Variants in UMAD1 observed in about 807,000 individuals in gnomAD.
UMAD1 encodes UBAP1-MVB12-associated (UMA)-domain containing protein 1.
A neutral mutation model predicts 6.1 loss-of-function variants in UMAD1; 8 were observed. The ratio of observed to expected loss-of-function variants is 1.30; its 90% CI spans 0.76 to 2.35. The LOEUF (loss-of-function observed/expected upper bound fraction) is 2.35. Ranked by LOEUF, UMAD1 falls within the 30% of genes most tolerant of loss-of-function variation. The pLI, the probability that UMAD1 is intolerant of heterozygous loss-of-function variation, is 0.00. For missense variants in UMAD1, 130 were observed against 78.4 expected, an observed-to-expected ratio of 1.66 and a Z score of -2.49; for synonymous variants, 56 against 31.4, an observed-to-expected ratio of 1.78 and a Z score of -2.61.
intron 3 of UMAD1, among the ~76,000 whole-genome samples, chr7:7,862,849 T>A (rs544172255): frequency 3.3e-5 from 5 of 152,178 alleles, no homozygotes; most frequent in Admixed American, 1.3e-4. Flanking sequence ...TACAGACAAG[T>A]AACCTTTAAA....
chr7:7,652,153 G>A (rs1322056922), intron 1 of UMAD1, among the ~76,000 whole-genome samples: 1 of 152,172 alleles, frequency 6.6e-6, no homozygotes, highest in Non-Finnish European at 1.5e-5. Context: ...CAGTGGGGAT[G>A]GACAAAGTAT....
chr7:7,664,137 G>C (rs1042145002), intron 1 of UMAD1, among the ~76,000 whole-genome samples: 7 of 152,146 alleles, frequency 4.6e-5, no homozygotes, highest in Non-Finnish European at 7.4e-5. Context: ...TGGATTTCCA[G>C]TTTGTCTTGG....
At chr7:7,848,440 G>A (rs1563257132) in intron 3 of UMAD1, among the ~76,000 whole-genome samples, 1 of 152,050 alleles carries the variant, frequency 6.6e-6, no homozygotes, top group Non-Finnish European at 1.5e-5. Flanking sequence ...CAGTTGATCT[G>A]GTGTCTAAAG....
chr7:7,817,984 T>C (rs1783165263), intron 3 of UMAD1, among the ~76,000 whole-genome samples: 1 of 151,952 alleles, frequency 6.6e-6, no homozygotes, highest in Admixed American at 6.6e-5. Flanking sequence ...CAGCTAATTT[T>C]CTTTTTAAAC....
At chr7:7,678,538 T>C (rs1421227372) in intron 2 of UMAD1, among the ~76,000 whole-genome samples, 1 of 139,808 alleles carries the variant, frequency 7.2e-6, no homozygotes, top group African/African-American at 2.6e-5. Flanking sequence ...ATATACTTAA[T>C]TTATAGATAA....
chr7:7,792,024 T>C (rs1315109843), intron 2 of UMAD1, among the ~76,000 whole-genome samples: 2 of 152,246 alleles, frequency 1.3e-5, no homozygotes, highest in Non-Finnish European at 2.9e-5. Flanking sequence ...TGAGTGTGTA[T>C]GCAGCATTTT....
At chr7:7,750,761 G>A (rs2115218859) in intron 2 of UMAD1, among the ~76,000 whole-genome samples, 1 of 152,322 alleles carries the variant, frequency 6.6e-6, no homozygotes, top group East Asian at 1.9e-4. Context: ...GCTAGAACAT[G>A]GCGGAGCTGA....
At chr7:7,839,387 A>T (rs1308599538) in intron 3 of UMAD1, among the ~76,000 whole-genome samples, 1 of 152,114 alleles carries the variant, frequency 6.6e-6, no homozygotes, top group Non-Finnish European at 1.5e-5. Flanking sequence ...ATTTAAAAAA[A>T]AATTATTTGT....
At chr7:7,813,179 C>T (rs1783056761) in intron 3 of UMAD1, among the ~76,000 whole-genome samples, 1 of 152,046 alleles carries the variant, frequency 6.6e-6, no homozygotes, top group Admixed American at 6.6e-5. Context: ...CCAGGCGTAG[C>T]CAGCCCCATT....
intron 2 of UMAD1, among the ~76,000 whole-genome samples, chr7:7,682,283 T>A (rs1779931573): frequency 6.6e-6 from 1 of 152,140 alleles, no homozygotes; most frequent in South Asian, 2.1e-4. Flanking sequence ...TTAAAACACA[T>A]TGAAATATGT....
chr7:7,847,055 AT>A (rs1395357491), intron 3 of UMAD1, among the ~76,000 whole-genome samples: 4 of 22,752 alleles, frequency 1.8e-4, no homozygotes, highest in South Asian at 1.8e-3. Flanking sequence ...TTAGAGTATA[AT>A]AAAAAAAAAA....
At chr7:7,816,751 A>T (rs942127535) in intron 3 of UMAD1, among the ~76,000 whole-genome samples, 2 of 151,530 alleles carry the variant, frequency 1.3e-5, no homozygotes, top group African/African-American at 2.4e-5. Context: ...CTTTATTTCT[A>T]CCTCCTCTGG....
intron 2 of UMAD1, among the ~76,000 whole-genome samples, chr7:7,780,170 TAAC>T (rs765910715): frequency 7.2e-5 from 11 of 152,242 alleles, no homozygotes; most frequent in Non-Finnish European, 1.3e-4. Context: ...GTTCCTGTCT[TAAC>T]AACCATTGCC....
At chr7:7,659,942 CTT>C (rs1449307719) in intron 1 of UMAD1, among the ~76,000 whole-genome samples, 2 of 152,142 alleles carry the variant, frequency 1.3e-5, no homozygotes, top group African/African-American at 4.8e-5. Flanking sequence ...GTCTAAGTCT[CTT>C]TGTAAGTCTC....
At chr7:7,658,252 G>A (rs906662758) in intron 1 of UMAD1, among the ~76,000 whole-genome samples, 7 of 152,226 alleles carry the variant, frequency 4.6e-5, no homozygotes, top group Non-Finnish European at 8.8e-5. Flanking sequence ...CATGTCATCT[G>A]CAAACAGAGA....
rs59036228 is a variant in UMAD1 at position 7,864,602 on chromosome 7, T to TACACAC, written c.157-12635_157-12630dup. On this transcript the variant is annotated intron_variant, in intron 3 of 3. Coordinates refer to ENST00000682710, the MANE Select transcript of UMAD1 (RefSeq NM_001302348.2). The stretch of plus-strand genomic sequence containing the variant: ...CTAGACATGAGGAGAACATGAAAAC[T>TACACAC]ACACACACACACACACACACACACA... Among the ~76,000 whole-genome samples, 954 of 140,218 alleles carry TACACAC rather than the reference T, an allele frequency of 6.8e-3. 11 individuals are homozygous for TACACAC. Among genetic ancestry groups the TACACAC allele is most frequent in the East Asian group, 0.025 (116 of 4,606 alleles). 92.0% of individuals were successfully genotyped at this position (140,218 alleles called of 152,430 possible).
Position 7,677,350 on chromosome 7 carries a change from T to C in UMAD1, c.82+3897T>C, listed in dbSNP as rs535805058. ...ACCAAATACTAGATCTTATTCCTTC[T>C]ATCTAACTGTATTTTTGTACCCATC... On this transcript the variant is annotated intron_variant, in intron 2 of 3. Coordinates refer to ENST00000682710, the MANE Select transcript of UMAD1 (RefSeq NM_001302348.2). Among the ~76,000 whole-genome samples, 40 of 152,288 alleles carry C rather than the reference T, an allele frequency of 2.6e-4. 1 individual carries two copies. In the South Asian group the frequency reaches 6.2e-3, roughly 24 times the overall value.
At chr7:7,867,721 G>GA (rs1784259262) in intron 3 of UMAD1, among the ~76,000 whole-genome samples, 1 of 152,002 alleles carries the variant, frequency 6.6e-6, no homozygotes, top group South Asian at 2.1e-4. Context: ...GCCTCGCTGT[G>GA]AAAAAAACAT....
chr7:7,669,749 A>G (rs1200823122), intron 1 of UMAD1, among the ~76,000 whole-genome samples: 2 of 152,186 alleles, frequency 1.3e-5, no homozygotes, highest in Non-Finnish European at 2.9e-5. Flanking sequence ...GGAGTGATAG[A>G]CACGAGGGTG....
Sources: allele counts gnomAD v4.1 joint callset (sites outside exome capture counted in the v4.1 genomes callset), GRCh38; gene constraint gnomAD v4.1.1; transcripts MANE v1.5; gene names NCBI Gene and HGNC (gene_info 2026-07-23, HGNC 2026-07-21).